Variants in TNRC18 observed in about 807,000 individuals in gnomAD.
TNRC18 encodes the protein trinucleotide repeat-containing gene 18 protein.
In TNRC18, 69 loss-of-function variants were observed where a neutral mutation model predicts 226.7. That is an observed-to-expected ratio of 0.30 (90% CI 0.25 to 0.37). TNRC18 has a LOEUF of 0.37. TNRC18 is among the 10% of genes least tolerant of loss of function. The pLI, the probability that TNRC18 is intolerant of heterozygous loss-of-function variation, is 1.00. For missense variants in TNRC18, 4,754 were observed against 4,256.6 expected (o/e 1.12, Z -3.25); for synonymous variants, 2,449 against 1,927.6 (o/e 1.27, Z -7.09).
At chr7:5,329,456 G>A (rs574576815) in intron 19 of TNRC18, among the ~76,000 whole-genome samples, 88 of 152,044 alleles carry the variant, frequency 5.8e-4, no homozygotes, top group African/African-American at 2.1e-3. Context: ...GGCTGAGGTG[G>A]GCAGATCATT....
chr7:5,327,872 G>A (rs1454178453), intron 19 of TNRC18, among the ~76,000 whole-genome samples: 1 of 152,142 alleles, frequency 6.6e-6, no homozygotes. Flanking sequence ...ACCACCAACC[G>A]CCAGCAGGGT....
At position 5,308,114 on chromosome 7, in the gene TNRC18, G is replaced by A. The variant is rs768432007; in HGVS notation, c.8899C>T (p.Leu2967Phe). 6.4e-7 allele frequency: 1 copy of A among 1,550,908 alleles called. No individual in the cohort carries two copies. The highest frequency in any genetic ancestry group is 1.4e-5 in the African/African-American group (1 of 73,218). Residue 2967 changes from leucine (L) to phenylalanine (F), a missense_variant, in exon 30 of 30, where the codon CTC (leucine) becomes TTC (phenylalanine). Physicochemically the swap from Leu to Phe is conservative, Grantham distance 22. Transcript: ENST00000430969. ...MIFSTDGVPV[L>F]C ...CGCAGGGCCCGGCGGGCTCAGCAGA[G>A]CACGGGCACGCCGTCCGTGGAGAAG... is the stretch of plus-strand genomic sequence containing the variant.
At chr7:5,423,172 G>A (rs925482207) in intron 1 of TNRC18, 6 of 152,250 alleles carry the variant, frequency 3.9e-5, no homozygotes, top group Non-Finnish European at 7.3e-5. Context: ...GGAACCGAGA[G>A]AGGAACCGCC....
Position 5,320,322 on chromosome 7 carries a change from G to C in TNRC18, c.6741C>G (p.Val2247=). The stretch of plus-strand genomic sequence containing the variant: ...GCTGGGGAGGAGGCATCTCACCTCG[G>C]ACCACAGTGCCTGGGTAGAGACAGC... ...QYRCLYPGTV[V]RGLLDLEDDG... is the part of the protein sequence containing the mutation. Residue 2247 remains valine (V), a synonymous_variant, in exon 24 of 30, where the codon GTC becomes GTG. Coordinates refer to ENST00000430969, the MANE Select transcript of TNRC18 (RefSeq NM_001080495.3). 6.4e-7 allele frequency: 1 copy of C among 1,552,656 alleles called. No individual in the cohort carries two copies. The highest frequency in any genetic ancestry group is 8.7e-7 in the Non-Finnish European group (1 of 1,147,874).
intron 2 of TNRC18, among the ~76,000 whole-genome samples, chr7:5,413,199 G>C (rs1331917899): frequency 6.6e-6 from 1 of 152,166 alleles, no homozygotes; most frequent in Non-Finnish European, 1.5e-5. Context: ...CAGTACATGA[G>C]AGGGTGGGAG....
In TNRC18 at chr7:5,309,502, G is replaced by T; in HGVS notation, c.8389-134C>A. ...CCCTATCCAACTGTGGGGAGATGAG[G>T]AAGCTCCTTGTCTCGCTTCAAGTGG... On this transcript the variant is annotated intron_variant, in intron 27 of 29. Coordinates refer to ENST00000430969, the MANE Select transcript of TNRC18 (RefSeq NM_001080495.3). The surrounding 1 kb of genome is among the most constrained non-coding windows in gnomAD (Gnocchi z 5.7). 1.4e-6 allele frequency: 1 copy of T among 726,920 alleles called. No individual in the cohort carries two copies. Among genetic ancestry groups the T allele is most frequent in the East Asian group, 2.7e-5 (1 of 36,772 alleles). 45.0% of individuals were successfully genotyped at this position (726,920 alleles called of 1,614,324 possible). A position where few individuals can be genotyped will look rare whatever the true frequency, so the allele number is the denominator to read the frequency against.
chr7:5,406,303 A>G (rs1781459252), intron 2 of TNRC18, among the ~76,000 whole-genome samples: 1 of 151,890 alleles, frequency 6.6e-6, no homozygotes, highest in South Asian at 2.1e-4. Context: ...TCTCTACAAA[A>G]AATACAAAAA....
At chr7:5,337,863 A>G (rs1790282160) in intron 18 of TNRC18, among the ~76,000 whole-genome samples, 1 of 151,976 alleles carries the variant, frequency 6.6e-6, no homozygotes, top group South Asian at 2.1e-4. Flanking sequence ...GGTGCCTGTA[A>G]TCCTAGCTAC....
intron 5 of TNRC18, among the ~76,000 whole-genome samples, chr7:5,378,468 G>C (rs1412679846): frequency 1.3e-5 from 2 of 151,162 alleles, no homozygotes; most frequent in Non-Finnish European, 2.9e-5. Context: ...GCCCAGGCTG[G>C]AGTGCAGTGG....
At chr7:5,310,269 G>A (rs1270353827) in intron 27 of TNRC18, among the ~76,000 whole-genome samples, 1 of 151,902 alleles carries the variant, frequency 6.6e-6, no homozygotes, top group Non-Finnish European at 1.5e-5. Flanking sequence ...TCACTCTATC[G>A]CCCAGGCTGG....
At chr7:5,348,710 G>A (rs976792829) in intron 17 of TNRC18, among the ~76,000 whole-genome samples, 1 of 152,070 alleles carries the variant, frequency 6.6e-6, no homozygotes, top group Admixed American at 6.6e-5. Flanking sequence ...TGTTAAGAGG[G>A]TGAGAGGGGA....
intron 2 of TNRC18, among the ~76,000 whole-genome samples, chr7:5,412,244 GAAAAAAAAAA>G (rs55864404): frequency 0.3 from 21,499 of 71,954 alleles, 3,162 homozygotes; most frequent in African/African-American, 0.45. Context: ...AATTCCAAAT[GAAAAAAAAAA>G]AAAAAAAAAA....
At position 5,333,044 on chromosome 7, in the gene TNRC18, C is replaced by G; in HGVS notation, c.5725G>C (p.Glu1909Gln). 6.4e-7 allele frequency: 1 copy of G among 1,574,502 alleles called. No individual in the cohort carries two copies. The highest frequency in any genetic ancestry group is 8.6e-7 in the Non-Finnish European group (1 of 1,168,370). ...KEERQSLLGT[E>Q]FEYTDSESEV... ...CTCTCTGAGTCGGTGTACTCGAACT[C>G]TGTGCCTGAACGCGGGAGGAGGGCG... is the stretch of plus-strand genomic sequence containing the variant. Residue 1909 changes from glutamate to glutamine, a missense_variant, in exon 19 of 30, where the codon GAG (glutamate) becomes CAG (glutamine). Coordinates refer to ENST00000430969, the MANE Select transcript of TNRC18 (RefSeq NM_001080495.3).
In TNRC18 at chr7:5,306,857, AC is replaced by A. The variant is rs1241808279; in HGVS notation, c.*1248del. The A allele has an allele frequency of 2.1e-4, 31 of 146,330 alleles. No individual in the cohort carries two copies. The South Asian group carries it at 6.4e-3, about 30-fold the overall frequency. The allele number at this position is 146,330 out of a possible 1,614,324, so 9.1% of individuals were successfully genotyped here. A position where few individuals can be genotyped will look rare whatever the true frequency, so the allele number is the denominator to read the frequency against. On this transcript the variant is annotated 3_prime_UTR_variant, in exon 30 of 30. Transcript: ENST00000430969. Reference sequence around the variant, plus strand: ...AAGATCACACAGAATTTGCCAACAAACAAAATTCCAAAAGAAACATAAAAAA... The same window carrying A: ...AAGATCACACAGAATTTGCCAACAAAAAAATTCCAAAAGAAACATAAAAAA...
intron 18 of TNRC18, among the ~76,000 whole-genome samples, chr7:5,336,884 T>C (rs562739051): frequency 1.3e-5 from 2 of 152,296 alleles, no homozygotes; most frequent in East Asian, 1.9e-4. Flanking sequence ...GGAACCAGCC[T>C]CAGAGACCTG....
chr7:5,385,875 C>G (rs1779737799), intron 5 of TNRC18, among the ~76,000 whole-genome samples: 1 of 148,772 alleles, frequency 6.7e-6, no homozygotes, highest in Non-Finnish European at 1.5e-5. Flanking sequence ...CCCAGCTACT[C>G]AGAAGACTGA....
intron 4 of TNRC18, 135 bp from the exon 5 acceptor site, chr7:5,389,471 T>TTTTTTTTTTTCTTTC: frequency 1.1e-6 from 1 of 923,914 alleles, no homozygotes; most frequent in Admixed American, 5.3e-5. Context: ...GTTTTTTTTT[T>TTTTTTTTTTTCTTTC]CAGAAAGAGT....
At chr7:5,390,309 T>C (rs1001016979) in intron 4 of TNRC18, 176 bp downstream of exon 4, 16 of 679,162 alleles carry the variant, frequency 2.4e-5, no homozygotes, top group Admixed American at 3.2e-5. Flanking sequence ...CAGTGACCTA[T>C]GATCGCACCA....
chr7:5,354,230 TAATA>T lies in TNRC18; in HGVS notation c.5195-2140_5195-2137del, dbSNP rs1039214649. 1.1e-4 allele frequency among the ~76,000 whole-genome samples: 17 copies of T among 151,770 alleles called. 1 individual carries two copies. The highest frequency in any genetic ancestry group is 2.4e-4 in the African/African-American group (10 of 41,342). On this transcript the variant is annotated intron_variant, in intron 16 of 29. Transcript: ENST00000430969. ...AAATAATAATAATAATAGTAATAAT[TAATA>T]AATAAATAAAACGGACATTCCCTCA...
Sources: gnomAD v4.1 joint callset for allele counts (sites outside exome capture counted in the v4.1 genomes callset) on GRCh38, gnomAD v4.1.1 for gene constraint, Gnocchi (gnomAD v3.1) non-coding constraint, MANE v1.5 for transcripts, NCBI Gene and HGNC (gene_info 2026-07-23, HGNC 2026-07-21) for gene names.